Variants in PCDHGC3 observed in about 807,000 individuals in gnomAD.
PCDHGC3 encodes protocadherin gamma-C3.
In PCDHGC3, 26 loss-of-function variants were observed where a neutral mutation model predicts 59.2. That is an observed-to-expected ratio of 0.44 (90% CI 0.32 to 0.61). The LOEUF (loss-of-function observed/expected upper bound fraction) is 0.61. Among genes scored for constraint, PCDHGC3 ranks in the 20% least tolerant of loss-of-function variants. The pLI is 0.05. For synonymous variants in PCDHGC3, 487 were observed against 519.7 expected (o/e 0.94, Z 0.86); for missense variants, 1,080 against 1,221.8 (o/e 0.88, Z 1.73).
Position 141,491,383 on chromosome 5 carries a change from A to C in PCDHGC3, c.2431-3424A>C. The C allele has an allele frequency of 6.2e-7, 1 of 1,614,036 alleles. No individual in the cohort carries two copies. The highest frequency in any genetic ancestry group is 8.5e-7 in the Non-Finnish European group (1 of 1,179,962). ...AGTCACCTTCACCTTTCTGTCAGCG[A>C]AGTGCCTTCAGGGAAACGCAGACGG... On this transcript the variant is annotated intron_variant, in intron 1 of 3. Transcript: ENST00000308177. This position sits in a 1 kb window ranked among gnomAD's most constrained non-coding sequence, Gnocchi z 6.9.
chr5:141,499,150 T>C (rs1424635509), intron 2 of PCDHGC3, among the ~76,000 whole-genome samples: 5 of 152,180 alleles, frequency 3.3e-5, no homozygotes, highest in Non-Finnish European at 1.5e-5. Context: ...CTGATCCCAA[T>C]AGCTGTTGTC....
At position 141,487,254 on chromosome 5, in the gene PCDHGC3, C is replaced by T. The variant is rs1341564301; in HGVS notation, c.2431-7553C>T. On this transcript the variant is annotated intron_variant, in intron 1 of 3. Coordinates refer to ENST00000308177, the MANE Select transcript of PCDHGC3 (RefSeq NM_002588.4). The surrounding 1 kb of genome is among the most constrained non-coding windows in gnomAD (Gnocchi z 5.0). Reference sequence around the variant, plus strand: ...GAATCTCGTCTAACCCTCTACTTGGCTGTGTCCCTAGTGGCAATTTGCTTT... The same window carrying T: ...GAATCTCGTCTAACCCTCTACTTGGTTGTGTCCCTAGTGGCAATTTGCTTT... The T allele has an allele frequency of 1.2e-6, 2 of 1,614,126 alleles. No homozygotes were observed. Among genetic ancestry groups the T allele is most frequent in the East Asian group, 4.5e-5 (2 of 44,860 alleles).
chr5:141,497,187 G>T (rs1475463841), intron 2 of PCDHGC3, among the ~76,000 whole-genome samples: 2 of 139,586 alleles, frequency 1.4e-5, no homozygotes, highest in Non-Finnish European at 3.0e-5. Flanking sequence ...GTTCTGAGAG[G>T]CAGAGAACAA....
intron 2 of PCDHGC3, among the ~76,000 whole-genome samples, chr5:141,503,365 G>A (rs2099819492): frequency 6.6e-6 from 1 of 152,020 alleles, no homozygotes; most frequent in East Asian, 1.9e-4. Flanking sequence ...GGGAAGCGGA[G>A]GCAGGTGGAT....
Position 141,485,422 on chromosome 5 carries a change from C to G in PCDHGC3, c.2430+6876C>G, listed in dbSNP as rs775279056. 6.2e-7 allele frequency: 1 copy of G among 1,614,130 alleles called. No homozygotes were observed. Among genetic ancestry groups the G allele is most frequent in the East Asian group, 2.2e-5 (1 of 44,872 alleles). ...TCCGTGTGGATTTGGACAGCGGAGC[C>G]CTGCTCATCAAGAACCCAATCGACC... On this transcript the variant is annotated intron_variant, in intron 1 of 3. Transcript: ENST00000308177. The surrounding 1 kb of genome is among the most constrained non-coding windows in gnomAD (Gnocchi z 5.7).
chr5:141,493,340 T>C lies in PCDHGC3; in HGVS notation c.2431-1467T>C, dbSNP rs889623993. Among the ~76,000 whole-genome samples, 1 of 152,202 alleles carries C rather than the reference T, an allele frequency of 6.6e-6. No homozygotes were observed. Among genetic ancestry groups the C allele is most frequent in the Admixed American group, 6.5e-5 (1 of 15,288 alleles). Reference sequence around the variant, plus strand: ...TTCTAACCCCTGTCTAACTCCAGAATGTGTGCTTTTAATTTCTTGGCACTT... The same window carrying C: ...TTCTAACCCCTGTCTAACTCCAGAACGTGTGCTTTTAATTTCTTGGCACTT... On this transcript the variant is annotated intron_variant, in intron 1 of 3. Coordinates refer to ENST00000308177, the MANE Select transcript of PCDHGC3 (RefSeq NM_002588.4). The surrounding 1 kb of genome is among the most constrained non-coding windows in gnomAD (Gnocchi z 4.3).
intron 2 of PCDHGC3, among the ~76,000 whole-genome samples, chr5:141,504,909 G>C (rs948719729): frequency 6.6e-6 from 1 of 152,002 alleles, no homozygotes; most frequent in Non-Finnish European, 1.5e-5. Context: ...ACTATGACAG[G>C]AAGCCAGGCT....
At chr5:141,501,313 ACAC>A (rs2099807743) in intron 2 of PCDHGC3, among the ~76,000 whole-genome samples, 1 of 151,686 alleles carries the variant, frequency 6.6e-6, no homozygotes, top group Non-Finnish European at 1.5e-5. Context: ...ACACACACAC[ACAC>A]ACACACACAC....
At position 141,485,286 on chromosome 5, in the gene PCDHGC3, A is replaced by G; in HGVS notation, c.2430+6740A>G. The G allele has an allele frequency of 2.5e-6, 4 of 1,614,044 alleles. No individual in the cohort carries two copies. On this transcript the variant is annotated intron_variant, in intron 1 of 3. Transcript: ENST00000308177. This position sits in a 1 kb window ranked among gnomAD's most constrained non-coding sequence, Gnocchi z 5.7. ...CAGATCCGCTACCCGGTCCCAGAGG[A>G]GTCACAGGAAGGGACTTTTGTAGGG...
chr5:141,511,115 A>G lies in PCDHGC3; in HGVS notation c.2747A>G (p.Lys916Arg). 6.2e-7 allele frequency: 1 copy of G among 1,614,214 alleles called. No individual in the cohort carries two copies. Among genetic ancestry groups the G allele is most frequent in the Non-Finnish European group, 8.5e-7 (1 of 1,180,006 alleles). ...AACGCAGCTGGCAAGCGGGATGGCA[A>G]GGCCCCAGCAGGTGGCAATGGCAAC... Reference protein sequence around the residue: ...LTNAAGKRDGKAPAGGNGNKK... With the variant: ...LTNAAGKRDGRAPAGGNGNKK... Residue 916 changes from lysine (K) to arginine (R), a missense_variant, in exon 4 of 4, where the codon AAG becomes AGG. Coordinates refer to ENST00000308177, the MANE Select transcript of PCDHGC3 (RefSeq NM_002588.4).
chr5:141,478,767 C>T (rs953695562), intron 1 of PCDHGC3: 44 of 1,500,650 alleles, frequency 2.9e-5, no homozygotes, highest in Non-Finnish European at 3.9e-5. Context: ...ATACTTGACT[C>T]ATCTGTGGAC....
chr5:141,480,837 G>T (rs1435750544), intron 1 of PCDHGC3, among the ~76,000 whole-genome samples: 2 of 152,168 alleles, frequency 1.3e-5, no homozygotes, highest in African/African-American at 4.8e-5. Flanking sequence ...ATAAGATCAG[G>T]AGTTTGAGAC....
At chr5:141,494,972 C>A in intron 2 of PCDHGC3, 107 bp downstream of exon 2, 1 of 1,581,852 alleles carries the variant, frequency 6.3e-7, no homozygotes, top group South Asian at 1.1e-5. Flanking sequence ...TGGCTTCTCC[C>A]TCAGTTTGAG....
intron 2 of PCDHGC3, among the ~76,000 whole-genome samples, chr5:141,501,287 TTA>T (rs1491235092): frequency 6.2e-5 from 6 of 96,980 alleles, no homozygotes; most frequent in African/African-American, 2.5e-4. Context: ...GGATATTCCC[TTA>T]TACACACACA....
Position 141,476,187 on chromosome 5 carries a change from G to A in PCDHGC3, c.71G>A (p.Gly24Asp). 6.2e-7 allele frequency: 1 copy of A among 1,613,782 alleles called. No individual in the cohort carries two copies. The highest frequency in any genetic ancestry group is 1.1e-5 in the South Asian group (1 of 91,072). Reference protein sequence around the residue: ...GRVVGVLLLLGALNKASTVIH... With the variant: ...GRVVGVLLLLDALNKASTVIH... ...GTAGTGGGAGTTTTGCTTCTGCTTG[G>A]TGCCTTGAACAAGGCTTCCACGGTC... Residue 24 changes from glycine (G) to aspartate (D), a missense_variant, in exon 1 of 4, where the codon GGT (glycine) becomes GAT (aspartate). Physicochemically the swap from Gly to Asp is moderately conservative, Grantham distance 94 (BLOSUM62 -1). Coordinates refer to ENST00000308177, the MANE Select transcript of PCDHGC3 (RefSeq NM_002588.4). This position sits in a 1 kb window ranked among gnomAD's most constrained non-coding sequence, Gnocchi z 7.6.
At position 141,490,181 on chromosome 5, in the gene PCDHGC3, G is replaced by A. The variant is rs755899660; in HGVS notation, c.2431-4626G>A. ...GGTCCCATAGACTTTGAGGAGTCACGTTTCTATGAAATTCATGCAAGAGCC... is the reference window on the plus strand; with the variant it reads ...GGTCCCATAGACTTTGAGGAGTCACATTTCTATGAAATTCATGCAAGAGCC... On this transcript the variant is annotated intron_variant, in intron 1 of 3. Coordinates refer to ENST00000308177, the MANE Select transcript of PCDHGC3 (RefSeq NM_002588.4). This position sits in a 1 kb window ranked among gnomAD's most constrained non-coding sequence, Gnocchi z 5.4. The A allele has an allele frequency of 9.9e-6, 16 of 1,614,200 alleles. No homozygotes were observed. Among genetic ancestry groups the A allele is most frequent in the Middle Eastern group, 1.6e-4 (1 of 6,062 alleles).
intron 1 of PCDHGC3, 134 bp from the exon 2 acceptor site, chr5:141,494,673 C>G: frequency 4.5e-6 from 7 of 1,542,992 alleles, no homozygotes; most frequent in Non-Finnish European, 6.1e-6. Flanking sequence ...GATGAGTCCA[C>G]CCCTGCCCCC....
In PCDHGC3 at chr5:141,491,219, C is replaced by T; in HGVS notation, c.2431-3588C>T. ...GGTGACCCTTCACTCTCCTCCACAG[C>T]CACAGTGCTGCTGGTTCTGGAGGAT... is the stretch of plus-strand genomic sequence containing the variant. On this transcript the variant is annotated intron_variant, in intron 1 of 3. Coordinates refer to ENST00000308177, the MANE Select transcript of PCDHGC3 (RefSeq NM_002588.4). The surrounding 1 kb of genome is among the most constrained non-coding windows in gnomAD (Gnocchi z 6.9). 3 of 1,614,208 alleles carry T rather than the reference C, an allele frequency of 1.9e-6. No homozygotes were observed. The highest frequency in any genetic ancestry group is 2.5e-6 in the Non-Finnish European group (3 of 1,180,028).
At position 141,491,894 on chromosome 5, in the gene PCDHGC3, C is replaced by T. The variant is rs1209251388; in HGVS notation, c.2431-2913C>T. The T allele has an allele frequency of 1.5e-5, 22 of 1,434,752 alleles. No individual in the cohort carries two copies. Among genetic ancestry groups the T allele is most frequent in the Admixed American group, 2.9e-5 (1 of 34,278 alleles). 88.9% of individuals were successfully genotyped at this position (1,434,752 alleles called of 1,614,324 possible). The stretch of plus-strand genomic sequence containing the variant: ...GCCGATTAAGGGATGGGGCTCCGAG[C>T]ACCGGGGGTGGTGGCGACTGTGGGC... On this transcript the variant is annotated intron_variant, in intron 1 of 3. Transcript: ENST00000308177. The surrounding 1 kb of genome is among the most constrained non-coding windows in gnomAD (Gnocchi z 6.9).
Sources: allele counts gnomAD v4.1 joint callset (sites outside exome capture counted in the v4.1 genomes callset), GRCh38; gene constraint gnomAD v4.1.1; non-coding constraint Gnocchi (gnomAD v3.1); transcripts MANE v1.5; gene names NCBI Gene and HGNC (gene_info 2026-07-23, HGNC 2026-07-21).